The following JARID2 variants were observed in gnomAD, a reference collection of about 807,000 sequenced individuals.
JARID2 encodes jumonji and AT-rich interaction domain containing 2.
Under a neutral mutation model 125.6 loss-of-function variants are expected in JARID2, and 21 were observed. The ratio of observed to expected loss-of-function variants is 0.17; its 90% CI spans 0.12 to 0.24. JARID2 has a LOEUF of 0.24. Among genes scored for constraint, JARID2 ranks in the 10% least tolerant of loss-of-function variants. The probability of loss-of-function intolerance (pLI) is 1.00; values close to 1 mark genes in which losing one functional copy is unlikely to be tolerated. For missense variants in JARID2, 1,303 were observed against 1,639.6 expected, an observed-to-expected ratio of 0.79 and a Z score of 3.55; for synonymous variants, 736 against 661.6, an observed-to-expected ratio of 1.11 and a Z score of -1.73.
intron 1 of JARID2, chr6:15,369,360 C>G (rs772733070): frequency 4.8e-6 from 2 of 418,948 alleles, no homozygotes; most frequent in African/African-American, 4.1e-5. Context: ...ACCAATTGCT[C>G]TTTTTGATAA....
chr6:15,251,078 G>T (rs1180911497), intron 1 of JARID2, among the ~76,000 whole-genome samples: 1 of 151,888 alleles, frequency 6.6e-6, no homozygotes, highest in African/African-American at 2.4e-5. Context: ...GGAACGCAGT[G>T]GTTCCTCACT....
At chr6:15,394,242 T>A (rs1307169459) in intron 2 of JARID2, among the ~76,000 whole-genome samples, 1 of 152,160 alleles carries the variant, frequency 6.6e-6, no homozygotes, top group Non-Finnish European at 1.5e-5. Flanking sequence ...CACCTCAGGC[T>A]TACGCAGCCC....
At chr6:15,294,142 G>A (rs1761322924) in intron 1 of JARID2, among the ~76,000 whole-genome samples, 1 of 152,174 alleles carries the variant, frequency 6.6e-6, no homozygotes, top group Non-Finnish European at 1.5e-5. Context: ...TCCAGGAAAA[G>A]GAAGGCCAAC....
intron 3 of JARID2, among the ~76,000 whole-genome samples, chr6:15,413,008 G>GTTTGTTTT (rs1765958572): frequency 4.2e-5 from 2 of 47,474 alleles, no homozygotes; most frequent in East Asian, 1.1e-3. Flanking sequence ...TTGTGTTTTT[G>GTTTGTTTT]TTTTTTTTTT....
intron 12 of JARID2, among the ~76,000 whole-genome samples, chr6:15,510,994 A>ATC (rs1184107423): frequency 6.6e-6 from 1 of 152,176 alleles, no homozygotes; most frequent in African/African-American, 2.4e-5. Flanking sequence ...GTTTGTGAAC[A>ATC]TCTGTTTGTG....
At chr6:15,248,304 G>C (rs1581317750) in intron 1 of JARID2, among the ~76,000 whole-genome samples, 1 of 148,354 alleles carries the variant, frequency 6.7e-6, no homozygotes, top group Non-Finnish European at 1.5e-5. Flanking sequence ...GGCATACTCC[G>C]GGCTCTAGGC....
chr6:15,305,789 G>A (rs1761799371), intron 1 of JARID2, among the ~76,000 whole-genome samples: 1 of 152,152 alleles, frequency 6.6e-6, no homozygotes, highest in Admixed American at 6.5e-5. Context: ...CTGTGTGTGA[G>A]AGATGTATTA....
chr6:15,388,060 T>C (rs1478279112), intron 2 of JARID2, among the ~76,000 whole-genome samples: 1 of 152,184 alleles, frequency 6.6e-6, no homozygotes, highest in Non-Finnish European at 1.5e-5. Flanking sequence ...TTCTTTCTTA[T>C]AGAGTGATAT....
chr6:15,318,618 C>T (rs1162231374), intron 1 of JARID2, among the ~76,000 whole-genome samples: 1 of 152,192 alleles, frequency 6.6e-6, no homozygotes, highest in Non-Finnish European at 1.5e-5. Context: ...CACCCCCCTC[C>T]CCTTTCCTTA....
intron 3 of JARID2, among the ~76,000 whole-genome samples, chr6:15,414,826 T>A: frequency 6.6e-6 from 1 of 152,234 alleles, no homozygotes; most frequent in Non-Finnish European, 1.5e-5. Context: ...TTGTTTTTAT[T>A]TATTTTTATT....
intron 1 of JARID2, among the ~76,000 whole-genome samples, chr6:15,355,183 T>C (rs1235159302): frequency 1.3e-5 from 2 of 152,344 alleles, no homozygotes; most frequent in East Asian, 3.9e-4. Flanking sequence ...AAAGGAATTA[T>C]CTGCCTGTAC....
chr6:15,317,122 C>T (rs1300447217), intron 1 of JARID2, among the ~76,000 whole-genome samples: 10 of 152,114 alleles, frequency 6.6e-5, no homozygotes, highest in Admixed American at 3.9e-4. Flanking sequence ...GTTGCATGTA[C>T]TTAATTTGAT....
At chr6:15,322,763 T>C (rs1277858039) in intron 1 of JARID2, among the ~76,000 whole-genome samples, 4 of 152,194 alleles carry the variant, frequency 2.6e-5, no homozygotes, top group Non-Finnish European at 4.4e-5. Context: ...TATGAGAAGT[T>C]GGTGAACCCT....
intron 1 of JARID2, among the ~76,000 whole-genome samples, chr6:15,350,121 C>T (rs1360756469): frequency 1.3e-5 from 2 of 152,040 alleles, no homozygotes; most frequent in African/African-American, 2.4e-5. Context: ...TTTTAACACG[C>T]GGCTGGAATT....
At chr6:15,496,046 G>A (rs1770401608) in intron 6 of JARID2, 86 bp from the exon 7 acceptor site, 1 of 1,084,670 alleles carries the variant, frequency 9.2e-7, no homozygotes, top group African/African-American at 1.6e-5. Context: ...CAGCATCCAG[G>A]GTCCTTTCTC....
At chr6:15,406,380 G>A (rs932704033) in intron 2 of JARID2, among the ~76,000 whole-genome samples, 1 of 152,228 alleles carries the variant, frequency 6.6e-6, no homozygotes, top group African/African-American at 2.4e-5. Flanking sequence ...GTTGCAGTGA[G>A]CCAAGATTGT....
At chr6:15,249,296 C>G (rs1334571638) in intron 1 of JARID2, among the ~76,000 whole-genome samples, 2 of 152,192 alleles carry the variant, frequency 1.3e-5, no homozygotes, top group African/African-American at 4.8e-5. Flanking sequence ...TGCACAGCAG[C>G]AACTGTTGCT....
chr6:15,260,473 G>A (rs1759827041), intron 1 of JARID2, among the ~76,000 whole-genome samples: 2 of 152,308 alleles, frequency 1.3e-5, no homozygotes, highest in South Asian at 4.1e-4. Context: ...GCTTGCCTAA[G>A]TGTCCCAGAG....
At chr6:15,319,269 A>G (rs912947586) in intron 1 of JARID2, among the ~76,000 whole-genome samples, 3 of 152,090 alleles carry the variant, frequency 2.0e-5, no homozygotes, top group African/African-American at 7.2e-5. Flanking sequence ...ACCAATGAGA[A>G]GCTGTGCTGC....
Sources: gnomAD v4.1 joint callset for allele counts (sites outside exome capture counted in the v4.1 genomes callset) on GRCh38, gnomAD v4.1.1 for gene constraint, MANE v1.5 for transcripts, NCBI Gene and HGNC (gene_info 2026-07-23, HGNC 2026-07-21) for gene names.